Variants in SCP2 observed in about 807,000 individuals in gnomAD.
The protein encoded by SCP2 is SCP-2/3-oxoacyl-CoA thiolase.
In SCP2, 48 loss-of-function variants were observed where a neutral mutation model predicts 71.4. The ratio of observed to expected loss-of-function variants is 0.67; its 90% CI spans 0.53 to 0.86. SCP2 has a LOEUF of 0.86. Ranked by LOEUF, SCP2 falls within the 40% of genes least tolerant of loss-of-function variation. SCP2 has a pLI of 0.00. For missense variants in SCP2, 560 were observed against 655.6 expected (o/e 0.85, Z 1.59); for synonymous variants, 220 against 218.1 (o/e 1.01, Z -0.08).
chr1:53,010,598 G>A (rs1660925783), intron 11 of SCP2, among the ~76,000 whole-genome samples: 1 of 152,084 alleles, frequency 6.6e-6, no homozygotes, highest in African/African-American at 2.4e-5. Flanking sequence ...TGGACACATG[G>A]TGGGGAACAT....
At chr1:53,041,616 C>T (rs1422468681) in intron 14 of SCP2, among the ~76,000 whole-genome samples, 2 of 152,050 alleles carry the variant, frequency 1.3e-5, no homozygotes, top group Non-Finnish European at 2.9e-5. Context: ...TAGATGTTGC[C>T]ACTGTCTAAG....
intron 13 of SCP2, among the ~76,000 whole-genome samples, chr1:53,030,403 G>A (rs1170935930): frequency 6.6e-6 from 1 of 152,174 alleles, no homozygotes; most frequent in Non-Finnish European, 1.5e-5. Flanking sequence ...CGTGCATTTT[G>A]TATGCTGATA....
At chr1:53,008,505 A>G (rs1293414979) in intron 11 of SCP2, among the ~76,000 whole-genome samples, 1 of 152,236 alleles carries the variant, frequency 6.6e-6, no homozygotes, top group Non-Finnish European at 1.5e-5. Context: ...AATCCATCAT[A>G]TAAACAGAAC....
intron 2 of SCP2, among the ~76,000 whole-genome samples, chr1:52,946,930 T>G (rs1299349516): frequency 6.6e-6 from 1 of 151,322 alleles, no homozygotes; most frequent in Non-Finnish European, 1.5e-5. Context: ...TAGGCGCCTA[T>G]TATTCCTGTA....
At chr1:52,982,378 G>A (rs1205229488) in intron 10 of SCP2, among the ~76,000 whole-genome samples, 2 of 152,072 alleles carry the variant, frequency 1.3e-5, no homozygotes, top group Non-Finnish European at 2.9e-5. Flanking sequence ...AGACCATCCT[G>A]GCTAACACGG....
chr1:52,957,507 T>C (rs1655935055), intron 5 of SCP2, among the ~76,000 whole-genome samples: 2 of 152,096 alleles, frequency 1.3e-5, no homozygotes, highest in Non-Finnish European at 2.9e-5. Context: ...AAACCACACA[T>C]AAAAAACCTT....
chr1:52,950,970 A>G, intron 4 of SCP2, 84 bp downstream of exon 4: 1 of 1,474,978 alleles, frequency 6.8e-7, no homozygotes, highest in Non-Finnish European at 9.5e-7. Flanking sequence ...TTATTTTATA[A>G]TGTATTTGTT....
intron 11 of SCP2, chr1:52,994,091 A>G (rs955440946): frequency 4.7e-6 from 5 of 1,063,060 alleles, no homozygotes; most frequent in Non-Finnish European, 5.7e-6. Flanking sequence ...TTTTAAAACT[A>G]TTTTCTGCCT....
chr1:52,942,775 C>T lies in SCP2; in HGVS notation c.127+922C>T, dbSNP rs1053647530. ...GTGCAAATGGCATGATCTCAGTTCACTGCAACCTCGGACTCCCAGGTTCAA... is the reference window on the plus strand; with the variant it reads ...GTGCAAATGGCATGATCTCAGTTCATTGCAACCTCGGACTCCCAGGTTCAA... On this transcript the variant is annotated intron_variant, in intron 2 of 15. Coordinates refer to ENST00000371514, the MANE Select transcript of SCP2 (RefSeq NM_002979.5). 4.8e-5 allele frequency among the ~76,000 whole-genome samples: 7 copies of T among 145,526 alleles called. No homozygotes were observed. The Admixed American group carries it at 5.0e-4, about 10-fold the overall frequency.
intron 12 of SCP2, among the ~76,000 whole-genome samples, chr1:53,026,767 C>T (rs1433419989): frequency 6.6e-6 from 1 of 152,042 alleles, no homozygotes; most frequent in Non-Finnish European, 1.5e-5. Flanking sequence ...GTGACAGGAC[C>T]ACTGCACCCC....
chr1:52,954,487 C>T (rs1425411858), intron 4 of SCP2, among the ~76,000 whole-genome samples: 1 of 152,086 alleles, frequency 6.6e-6, no homozygotes, highest in Non-Finnish European at 1.5e-5. Flanking sequence ...GTGTGTACCA[C>T]CACACTCAGC....
chr1:52,987,714 A>G (rs1659122195), intron 10 of SCP2, among the ~76,000 whole-genome samples: 1 of 152,194 alleles, frequency 6.6e-6, no homozygotes, highest in Non-Finnish European at 1.5e-5. Flanking sequence ...TAAAGCTGAC[A>G]GTTATTTTAG....
chr1:53,004,498 C>G (rs1027753056), intron 11 of SCP2, among the ~76,000 whole-genome samples: 1 of 152,212 alleles, frequency 6.6e-6, no homozygotes, highest in African/African-American at 2.4e-5. Context: ...CCTGCCTTAA[C>G]TGATGACATG....
intron 10 of SCP2, among the ~76,000 whole-genome samples, chr1:52,981,216 G>A (rs760246259): frequency 2.0e-5 from 3 of 152,228 alleles, no homozygotes; most frequent in Non-Finnish European, 2.9e-5. Context: ...ATAGGCGTGA[G>A]CCACTGCGCC....
chr1:52,982,147 C>T (rs1658560073), intron 10 of SCP2, among the ~76,000 whole-genome samples: 1 of 152,104 alleles, frequency 6.6e-6, no homozygotes, highest in Non-Finnish European at 1.5e-5. Flanking sequence ...TGTGATACAG[C>T]TTGTGCATGG....
chr1:53,030,168 A>G (rs1662432573), intron 13 of SCP2, among the ~76,000 whole-genome samples: 1 of 152,148 alleles, frequency 6.6e-6, no homozygotes, highest in Admixed American at 6.5e-5. Flanking sequence ...GATTACAGGC[A>G]TGAGCCATCG....
At position 52,968,754 on chromosome 1, in the gene SCP2, AG is replaced by A. The variant is rs1305663164; in HGVS notation, c.524-6010del. ...AATGTACAGTTGGCCCTTGAACAAC[AG>A]GGGGTTTAGTGGTACTGACCTGCAC... On this transcript the variant is annotated intron_variant, in intron 6 of 15. Transcript: ENST00000371514. 2.0e-5 allele frequency among the ~76,000 whole-genome samples: 3 copies of A among 152,308 alleles called. No individual in the cohort carries two copies. The East Asian group carries it at 5.8e-4, about 29-fold the overall frequency.
chr1:52,943,606 C>T (rs1654487270), intron 2 of SCP2: 5 of 413,420 alleles, frequency 1.2e-5, no homozygotes, highest in Non-Finnish European at 2.4e-5. Context: ...GGATAGTGCA[C>T]AGGTTGGTGT....
chr1:52,978,466 C>T, intron 9 of SCP2, 99 bp downstream of exon 9: 6 of 923,518 alleles, frequency 6.5e-6, no homozygotes, highest in Non-Finnish European at 1.0e-5. Flanking sequence ...TTTTAATTAA[C>T]TAGACATGCT....
Sources: gnomAD v4.1 joint callset for allele counts (sites outside exome capture counted in the v4.1 genomes callset) on GRCh38, gnomAD v4.1.1 for gene constraint, MANE v1.5 for transcripts, NCBI Gene and HGNC (gene_info 2026-07-23, HGNC 2026-07-21) for gene names.